The following PRKCH variants were observed in gnomAD, a reference collection of about 807,000 sequenced individuals.
The protein encoded by PRKCH is protein kinase C eta.
In PRKCH, 28 loss-of-function variants were observed where a neutral mutation model predicts 82.5. That is an observed-to-expected ratio of 0.34 (90% CI 0.25 to 0.47). The LOEUF is 0.47. PRKCH is among the 20% of genes least tolerant of loss of function. The probability of loss-of-function intolerance (pLI) is 1.00; values close to 1 mark genes in which losing one functional copy is unlikely to be tolerated. For missense variants in PRKCH, 705 were observed against 881.8 expected, an observed-to-expected ratio of 0.80 and a Z score of 2.54; for synonymous variants, 322 against 327.4, an observed-to-expected ratio of 0.98 and a Z score of 0.18.
At chr14:61,214,762 G>A (rs924213249) in intron 1 of PRKCH, among the ~76,000 whole-genome samples, 2 of 151,994 alleles carry the variant, frequency 1.3e-5, no homozygotes, top group South Asian at 2.1e-4. Flanking sequence ...AGGTCACTAG[G>A]GTTTGATAGA....
At chr14:61,380,831 T>C (rs2046497115) in intron 1 of PRKCH, among the ~76,000 whole-genome samples, 1 of 152,236 alleles carries the variant, frequency 6.6e-6, no homozygotes, top group South Asian at 2.1e-4. Context: ...TGTGATTTTT[T>C]ACTACGGGCA....
At chr14:61,308,311 G>A (rs374185431) in intron 1 of PRKCH, among the ~76,000 whole-genome samples, 18 of 152,250 alleles carry the variant, frequency 1.2e-4, no homozygotes, top group African/African-American at 4.1e-4. Context: ...TATCTAAAAC[G>A]GAGTCCAAGT....
chr14:61,336,527 T>C (rs2045859530), intron 1 of PRKCH, among the ~76,000 whole-genome samples: 1 of 152,228 alleles, frequency 6.6e-6, no homozygotes, highest in Non-Finnish European at 1.5e-5. Context: ...GCAGAGGGTC[T>C]GAGTTAGTGA....
At chr14:61,495,926 T>A (rs903207942) in intron 10 of PRKCH, among the ~76,000 whole-genome samples, 3 of 152,230 alleles carry the variant, frequency 2.0e-5, no homozygotes, top group Non-Finnish European at 4.4e-5. Flanking sequence ...GATTTACTGT[T>A]TGACACAGAG....
rs540387219 is a variant in PRKCH at position 61,283,855 on chromosome 14, A to C, written c.-19+96187A>C. Among the ~76,000 whole-genome samples, 32 of 152,340 alleles carry C rather than the reference A, an allele frequency of 2.1e-4. No individual in the cohort carries two copies. The South Asian group carries it at 6.6e-3, about 32-fold the overall frequency. On this transcript the variant is annotated intron_variant, in intron 1 of 3. Coordinates refer to the PRKCH transcript ENST00000555185. ...TCAAAAAATAAAAATAAAATAAAAA[A>C]AGAGAGAATGGGGTTCTAAAGGGGA...
intron 2 of PRKCH, among the ~76,000 whole-genome samples, chr14:61,396,522 A>G (rs962898353): frequency 8.5e-5 from 13 of 152,184 alleles, no homozygotes; most frequent in African/African-American, 2.9e-4. Context: ...AGGCAGATAC[A>G]TATTATGTAT....
In PRKCH at chr14:61,415,822, A is replaced by G. The variant is rs1882518406; in HGVS notation, c.427+24534A>G. Among the ~76,000 whole-genome samples, 3 of 152,246 alleles carry G rather than the reference A, an allele frequency of 2.0e-5. No individual in the cohort carries two copies. In the South Asian group the frequency reaches 6.2e-4, roughly 32 times the overall value. ...ATTGCAAAACTGAAATTCTATACCC[A>G]TTGAATACTAATTCTCCATTCCCTC... On this transcript the variant is annotated intron_variant, in intron 2 of 13. Transcript: ENST00000332981.
At chr14:61,386,891 T>G (rs2046596053) in intron 1 of PRKCH, among the ~76,000 whole-genome samples, 1 of 152,216 alleles carries the variant, frequency 6.6e-6, no homozygotes, top group East Asian at 1.9e-4. Context: ...TAGAAACCCC[T>G]ACTCAAACTG....
At chr14:61,486,894 A>G (rs906235801) in intron 10 of PRKCH, among the ~76,000 whole-genome samples, 1 of 152,250 alleles carries the variant, frequency 6.6e-6, no homozygotes, top group Non-Finnish European at 1.5e-5. Flanking sequence ...CATGAATGCC[A>G]AAGTAAAGGA....
rs570672875 is a variant in PRKCH, at chr14:61,211,076, G to T, written c.-19+23408G>T. Among the ~76,000 whole-genome samples the T allele has an allele frequency of 4.5e-4, 69 of 152,276 alleles. 1 individual carries two copies. The highest frequency in any genetic ancestry group is 1.5e-3 in the African/African-American group (64 of 41,554). On this transcript the variant is annotated intron_variant, in intron 1 of 3. Transcript: ENST00000555185. ...CACCTGGACAACTGGAACCCATGAG[G>T]ACAAACTGGAACCTGTCTTTGTCTC...
intron 10 of PRKCH, among the ~76,000 whole-genome samples, chr14:61,524,549 C>T (rs1285147154): frequency 2.0e-5 from 3 of 152,202 alleles, no homozygotes; most frequent in Non-Finnish European, 4.4e-5. Context: ...GCATAGGAAG[C>T]TGAGGTACTC....
In PRKCH at chr14:61,346,046, T is replaced by C. The variant is rs141018578; in HGVS notation, c.363+23582T>C. Among the ~76,000 whole-genome samples the C allele has an allele frequency of 9.2e-5, 14 of 152,212 alleles. No individual in the cohort carries two copies. In the East Asian group the frequency reaches 2.5e-3, roughly 27 times the overall value. Reference sequence around the variant, plus strand: ...GCCTTTTAATTCTGATGTAAAGTGGTAGAGAAATGATTAAAGGTTTAAGAG... The same window carrying C: ...GCCTTTTAATTCTGATGTAAAGTGGCAGAGAAATGATTAAAGGTTTAAGAG... On this transcript the variant is annotated intron_variant, in intron 1 of 13. Transcript: ENST00000332981.
chr14:61,438,367 G>A (rs745728881), intron 2 of PRKCH, among the ~76,000 whole-genome samples: 7 of 152,116 alleles, frequency 4.6e-5, no homozygotes, highest in Admixed American at 1.3e-4. Flanking sequence ...AGTTATATTC[G>A]CTGTGCATTT....
intron 1 of PRKCH, among the ~76,000 whole-genome samples, chr14:61,243,961 A>G (rs907537760): frequency 1.3e-5 from 2 of 152,008 alleles, no homozygotes; most frequent in Non-Finnish European, 2.9e-5. Flanking sequence ...AAAAAAAAAA[A>G]AATACAGCAA....
intron 1 of PRKCH, chr14:61,303,612 C>G (rs984237079): frequency 1.3e-5 from 2 of 151,992 alleles, no homozygotes; most frequent in Non-Finnish European, 2.9e-5. Flanking sequence ...TTACTTGAAT[C>G]TTGCTTTTTA....
rs925842278 is a variant in PRKCH at position 61,272,358 on chromosome 14, T to C, written c.-19+84690T>C. 2.1e-4 allele frequency among the ~76,000 whole-genome samples: 28 copies of C among 136,072 alleles called. 1 individual carries two copies. The highest frequency in any genetic ancestry group is 7.7e-4 in the African/African-American group (28 of 36,212). 89.3% of individuals were successfully genotyped at this position (136,072 alleles called of 152,430 possible). A position where few individuals can be genotyped will look rare whatever the true frequency, so the allele number is the denominator to read the frequency against. On this transcript the variant is annotated intron_variant, in intron 1 of 3. Coordinates refer to the PRKCH transcript ENST00000555185. ...CTTTTTTCTTTCTTTTTTTTTTTTTTTTTTTTTTTTTTTGAGACAGAGTCT... is the reference window on the plus strand; with the variant it reads ...CTTTTTTCTTTCTTTTTTTTTTTTTCTTTTTTTTTTTTTGAGACAGAGTCT...
Position 61,321,913 on chromosome 14 carries a change from G to C in PRKCH, c.-189G>C. The C allele has an allele frequency of 3.5e-6, 2 of 568,474 alleles. No individual in the cohort carries two copies. Among genetic ancestry groups the C allele is most frequent in the Non-Finnish European group, 6.1e-6 (2 of 330,558 alleles). The allele number at this position is 568,474 out of a possible 1,614,324, so 35.2% of individuals were successfully genotyped here. A position where few individuals can be genotyped will look rare whatever the true frequency, so the allele number is the denominator to read the frequency against. On this transcript the variant is annotated 5_prime_UTR_variant, in exon 1 of 14. Coordinates refer to ENST00000332981, the MANE Select transcript of PRKCH (RefSeq NM_006255.5). The surrounding 1 kb of genome is among the most constrained non-coding windows in gnomAD (Gnocchi z 4.1). Reference sequence around the variant, plus strand: ...CTCCCCTCCTTTCCACCTCGGGAGGGAGGGAAGGAGGGGAGGGAAAAGTCC... The same window carrying C: ...CTCCCCTCCTTTCCACCTCGGGAGGCAGGGAAGGAGGGGAGGGAAAAGTCC...
chr14:61,229,082 A>G (rs2044719890), intron 1 of PRKCH, among the ~76,000 whole-genome samples: 1 of 152,146 alleles, frequency 6.6e-6, no homozygotes, highest in South Asian at 2.1e-4. Flanking sequence ...TGGGGACAGT[A>G]GCATAAATAT....
At chr14:61,328,383 A>T (rs2045731143) in intron 1 of PRKCH, among the ~76,000 whole-genome samples, 1 of 125,984 alleles carries the variant, frequency 7.9e-6, no homozygotes, top group Admixed American at 8.8e-5. Flanking sequence ...AAAGACTATG[A>T]TTTTAAAACT....
Sources: allele counts gnomAD v4.1 joint callset (sites outside exome capture counted in the v4.1 genomes callset), GRCh38; gene constraint gnomAD v4.1.1; non-coding constraint Gnocchi (gnomAD v3.1); transcripts MANE v1.5; gene names NCBI Gene and HGNC (gene_info 2026-07-23, HGNC 2026-07-21).